SFXN5: variants seen among roughly 807,000 people sequenced by gnomAD.
SFXN5 encodes the protein sideroflexin 5.
In SFXN5, 43 loss-of-function variants were observed where a neutral mutation model predicts 50.2. That is an observed-to-expected ratio of 0.86 (90% CI 0.67 to 1.11). The LOEUF is 1.11. Ranked by LOEUF, SFXN5 falls within the 50% of genes least tolerant of loss-of-function variation. The probability of loss-of-function intolerance (pLI) is 0.00; values close to 1 mark genes in which losing one functional copy is unlikely to be tolerated. For missense variants in SFXN5, 463 were observed against 454.1 expected (o/e 1.02, Z -0.18); for synonymous variants, 203 against 185.8 (o/e 1.09, Z -0.75).
intron 2 of SFXN5, among the ~76,000 whole-genome samples, chr2:73,052,367 T>TGTGTGTATGA (rs59763609): frequency 6.9e-6 from 1 of 145,596 alleles, no homozygotes; most frequent in African/African-American, 2.7e-5. Context: ...TGCGTGTGTG[T>TGTGTGTATGA]GTGTGTGTGT....
At chr2:73,071,370 G>A (rs1000787320) in intron 1 of SFXN5, 4 of 517,122 alleles carry the variant, frequency 7.7e-6, no homozygotes, top group African/African-American at 2.0e-5. Context: ...GAGGGCGCGG[G>A]CAGTCGGGGA....
At chr2:73,060,293 G>C (rs1380030901) in intron 1 of SFXN5, among the ~76,000 whole-genome samples, 1 of 152,148 alleles carries the variant, frequency 6.6e-6, no homozygotes, top group Non-Finnish European at 1.5e-5. Context: ...ACGAAGGGCA[G>C]GTGGGACACT....
chr2:72,982,777 A>G (rs1671472883), intron 10 of SFXN5, among the ~76,000 whole-genome samples: 1 of 152,198 alleles, frequency 6.6e-6, no homozygotes, highest in South Asian at 2.1e-4. Flanking sequence ...GGTAGTGGGA[A>G]GAGCAGGTAT....
intron 2 of SFXN5, chr2:73,049,134 T>G (rs1017033671): frequency 6.6e-6 from 1 of 152,288 alleles, no homozygotes. Flanking sequence ...AACAGAAATT[T>G]ATTTCTCACA....
At chr2:73,013,433 G>GTA (rs1559155667) in intron 6 of SFXN5, among the ~76,000 whole-genome samples, 1 of 151,728 alleles carries the variant, frequency 6.6e-6, no homozygotes, top group East Asian at 1.9e-4. Context: ...GTGTGTGTGT[G>GTA]TGTGTGTGTG....
chr2:73,020,125 G>C, intron 6 of SFXN5, 114 bp downstream of exon 6: 1 of 950,410 alleles, frequency 1.1e-6, no homozygotes, highest in Non-Finnish European at 1.6e-6. Context: ...TTTCCCTCCA[G>C]GAATTGACTT....
rs1410607675 is a variant in SFXN5, at chr2:72,961,436, C to A, written c.828-188G>T. Among the ~76,000 whole-genome samples the A allele has an allele frequency of 6.6e-6, 1 of 152,186 alleles. No individual in the cohort carries two copies. Among genetic ancestry groups the A allele is most frequent in the South Asian group, 2.1e-4 (1 of 4,832 alleles). On this transcript the variant is annotated intron_variant, in intron 12 of 13. Coordinates refer to ENST00000272433, the MANE Select transcript of SFXN5 (RefSeq NM_144579.3). The surrounding 1 kb of genome is among the most constrained non-coding windows in gnomAD (Gnocchi z 4.4). ...CCTTTTCCCGATAGGTACCCCTATCCCAGCGGGTATAGACCCCTATCCCAA... is the reference window on the plus strand; with the variant it reads ...CCTTTTCCCGATAGGTACCCCTATCACAGCGGGTATAGACCCCTATCCCAA...
intron 1 of SFXN5, among the ~76,000 whole-genome samples, chr2:73,060,425 A>C (rs1242147975): frequency 1.3e-5 from 2 of 152,192 alleles, no homozygotes; most frequent in African/African-American, 4.8e-5. Context: ...ACATTCCATA[A>C]ATTAATTGGT....
intron 2 of SFXN5, among the ~76,000 whole-genome samples, chr2:73,054,022 T>C (rs542750283): frequency 3.3e-5 from 5 of 152,274 alleles, no homozygotes; most frequent in South Asian, 2.1e-4. Flanking sequence ...TAATTTCCCA[T>C]TGCATTGATG....
chr2:72,983,653 G>T (rs899087398), intron 10 of SFXN5, among the ~76,000 whole-genome samples: 2 of 152,190 alleles, frequency 1.3e-5, no homozygotes, highest in Non-Finnish European at 2.9e-5. Flanking sequence ...GGAGTCCAGA[G>T]GGCCAGCTTT....
At chr2:73,012,901 C>T (rs1047784983) in intron 6 of SFXN5, among the ~76,000 whole-genome samples, 2 of 152,016 alleles carry the variant, frequency 1.3e-5, no homozygotes, top group African/African-American at 4.8e-5. Context: ...TTATTTGACT[C>T]TTGATTATAA....
intron 6 of SFXN5, among the ~76,000 whole-genome samples, chr2:73,006,315 A>G (rs146127829): frequency 2.0e-5 from 3 of 152,258 alleles, no homozygotes; most frequent in Non-Finnish European, 4.4e-5. Flanking sequence ...ACCCCAGCCA[A>G]CCGCAGATCC....
intron 9 of SFXN5, among the ~76,000 whole-genome samples, chr2:72,989,531 C>G (rs1385118186): frequency 2.0e-5 from 3 of 152,060 alleles, no homozygotes; most frequent in Non-Finnish European, 4.4e-5. Context: ...GGTGACTGCA[C>G]CTTTTTCATC....
At chr2:73,003,318 C>T (rs962079032) in intron 6 of SFXN5, among the ~76,000 whole-genome samples, 3 of 152,224 alleles carry the variant, frequency 2.0e-5, no homozygotes, top group African/African-American at 4.8e-5. Context: ...ACACTGTCTT[C>T]TCCTCTGAAT....
intron 6 of SFXN5, among the ~76,000 whole-genome samples, chr2:73,012,648 C>CAA: frequency 1.8e-5 from 2 of 110,950 alleles, no homozygotes; most frequent in South Asian, 6.1e-4. Flanking sequence ...TCTAGCCAAA[C>CAA]AACACACACA....
intron 3 of SFXN5, among the ~76,000 whole-genome samples, chr2:73,032,138 C>T (rs1348017871): frequency 1.3e-5 from 2 of 152,198 alleles, no homozygotes; most frequent in Non-Finnish European, 2.9e-5. Context: ...CAAGCCAGTC[C>T]TGCAAACAGG....
At chr2:73,050,411 C>CACACACACACACACACACACACACACAA (rs1681137196) in intron 2 of SFXN5, among the ~76,000 whole-genome samples, 1 of 152,128 alleles carries the variant, frequency 6.6e-6, no homozygotes, top group Non-Finnish European at 1.5e-5. Context: ...CACACACACA[C>CACACACACACACACACACACACACACAA]ACACACACAC....
chr2:73,015,218 G>A (rs528008174), intron 6 of SFXN5, among the ~76,000 whole-genome samples: 2 of 152,200 alleles, frequency 1.3e-5, no homozygotes, highest in South Asian at 2.1e-4. Flanking sequence ...ATTTACTGGG[G>A]AAATCATGTT....
intron 10 of SFXN5, among the ~76,000 whole-genome samples, chr2:72,984,613 C>T (rs905899675): frequency 2.6e-5 from 4 of 152,182 alleles, no homozygotes; most frequent in East Asian, 3.9e-4. Flanking sequence ...GCTCTGCCTT[C>T]GGACCCTCCC....
Sources: gnomAD v4.1 joint callset for allele counts (sites outside exome capture counted in the v4.1 genomes callset) on GRCh38, gnomAD v4.1.1 for gene constraint, Gnocchi (gnomAD v3.1) non-coding constraint, MANE v1.5 for transcripts, NCBI Gene and HGNC (gene_info 2026-07-23, HGNC 2026-07-21) for gene names.